Variants in RASA3 observed in about 807,000 individuals in gnomAD.
RASA3 encodes ras GTPase-activating protein 3.
A neutral mutation model predicts 110.0 loss-of-function variants in RASA3; 73 were observed. The observed-to-expected ratio is 0.66, with a 90% CI of 0.55 to 0.81. The LOEUF is 0.81. Among genes scored for constraint, RASA3 ranks in the 30% least tolerant of loss-of-function variants. The probability of loss-of-function intolerance (pLI) is 0.00; values close to 1 mark genes in which losing one functional copy is unlikely to be tolerated. For synonymous variants in RASA3, 500 were observed against 451.4 expected (o/e 1.11, Z -1.37); for missense variants, 976 against 1,113.2 (o/e 0.88, Z 1.75).
chr13:114,100,244 T>C (rs1406614699), intron 1 of RASA3, among the ~76,000 whole-genome samples: 4 of 151,940 alleles, frequency 2.6e-5, no homozygotes, highest in Admixed American at 2.6e-4. Context: ...CCGATGTGGA[T>C]GCCTCTGTGC....
Position 114,027,934 on chromosome 13 carries a change from A to G in RASA3, c.450-7T>C, listed in dbSNP as rs2054058475. 4 of 1,608,548 alleles carry G rather than the reference A, an allele frequency of 2.5e-6. No individual in the cohort carries two copies. In the South Asian group the frequency reaches 3.3e-5, roughly 13 times the overall value. On this transcript the variant is annotated splice_region_variant and splice_polypyrimidine_tract_variant and intron_variant, in intron 5 of 23. Transcript: ENST00000334062. ...GCCCTGGCACTCGACGATGCTGAGG[A>G]GAGAAGCAGAGGCGGCGTCAGGAGG...
chr13:114,022,929 G>A (rs1171985852), intron 8 of RASA3, among the ~76,000 whole-genome samples: 1 of 152,194 alleles, frequency 6.6e-6, no homozygotes, highest in Non-Finnish European at 1.5e-5. Context: ...TATGGTTCAG[G>A]ACCCTGACCC....
intron 23 of RASA3, 96 bp from the exon 24 acceptor site, chr13:113,979,518 C>G: frequency 1.0e-6 from 1 of 968,026 alleles, no homozygotes; most frequent in Non-Finnish European, 1.7e-6. Context: ...AAATGTGACA[C>G]ACTCACACTG....
At chr13:114,060,617 G>A (rs902278355) in intron 2 of RASA3, among the ~76,000 whole-genome samples, 4 of 152,212 alleles carry the variant, frequency 2.6e-5, no homozygotes, top group Admixed American at 6.5e-5. Context: ...GCGGGGACGC[G>A]AAGGGCCAGG....
Position 114,020,816 on chromosome 13 carries a change from T to C in RASA3, c.785+588A>G, listed in dbSNP as rs139291195. Among the ~76,000 whole-genome samples, 260 of 152,308 alleles carry C rather than the reference T, an allele frequency of 1.7e-3. 2 individuals carry two copies. The highest frequency in any genetic ancestry group is 5.8e-3 in the African/African-American group (242 of 41,578). On this transcript the variant is annotated intron_variant, in intron 9 of 23. Transcript: ENST00000334062. ...CAGAGGGGAGTAGAGAACCCTGTAA[T>C]GCGCCCTCAACAGGAGGTGCTGCCG...
At chr13:113,993,805 CT>C (rs1350601425) in intron 21 of RASA3, among the ~76,000 whole-genome samples, 575 of 41,294 alleles carry the variant, frequency 0.014, 6 homozygotes, top group African/African-American at 0.09. Context: ...GAGACTCTGC[CT>C]AAAAAAAAAA....
At chr13:114,109,224 G>A (rs2080182706) in intron 1 of RASA3, among the ~76,000 whole-genome samples, 1 of 152,212 alleles carries the variant, frequency 6.6e-6, no homozygotes, top group Non-Finnish European at 1.5e-5. Flanking sequence ...CCACGCCTCT[G>A]GTGCCAGGGT....
rs1566520266 is a variant in RASA3 at position 114,043,839 on chromosome 13, CCCCCGCCCCGCCTCA to C, written c.278-2760_278-2746del. 7.8e-4 allele frequency among the ~76,000 whole-genome samples: 57 copies of C among 73,212 alleles called. 1 individual carries two copies. The highest frequency in any genetic ancestry group is 3.5e-3 in the African/African-American group (54 of 15,370). 48.0% of individuals were successfully genotyped at this position (73,212 alleles called of 152,430 possible). A position where few individuals can be genotyped will look rare whatever the true frequency, so the allele number is the denominator to read the frequency against. On this transcript the variant is annotated intron_variant, in intron 3 of 23. Coordinates refer to ENST00000334062, the MANE Select transcript of RASA3 (RefSeq NM_007368.4). Reference sequence around the variant, plus strand: ...GCCTGGCCCACCTCACTCGCTGAGCCCCCCGCCCCGCCTCACTCGCTGAGCCCCCCCGCCCCGCCT... The same window carrying C: ...GCCTGGCCCACCTCACTCGCTGAGCCCTCGCTGAGCCCCCCCGCCCCGCCT...
rs925243392 is a variant in RASA3, at chr13:114,114,345, G to A, written c.55+18090C>T. On this transcript the variant is annotated intron_variant, in intron 1 of 23. Transcript: ENST00000334062. The surrounding 1 kb of genome is among the most constrained non-coding windows in gnomAD (Gnocchi z 4.8). ...TCCTGGGGTTTCCTTTATTAGACTT[G>A]AGTCCAGAACTCCTCTAGAAACATT... 1.2e-4 allele frequency among the ~76,000 whole-genome samples: 19 copies of A among 152,144 alleles called. No homozygotes were observed. The highest frequency in any genetic ancestry group is 1.3e-4 in the Admixed American group (2 of 15,270).
At chr13:113,996,482 C>T in intron 21 of RASA3, 49 bp downstream of exon 21, 1 of 1,558,992 alleles carries the variant, frequency 6.4e-7, no homozygotes, top group South Asian at 1.2e-5. Context: ...AGCCCCTTGG[C>T]CACATTTCCT....
At chr13:113,981,548 A>T (rs2052934150) in intron 23 of RASA3, 127 bp downstream of exon 23, 2 of 1,044,802 alleles carry the variant, frequency 1.9e-6, no homozygotes, top group African/African-American at 1.6e-5. Flanking sequence ...TGCAAGTGGG[A>T]CTCTCCTCCC....
intron 23 of RASA3, among the ~76,000 whole-genome samples, chr13:113,980,142 G>GCCACGTGTGTGCACACCTCCTC (rs1455580745): frequency 8.6e-6 from 1 of 115,856 alleles, no homozygotes; most frequent in African/African-American, 3.6e-5. Flanking sequence ...TGTACCTCCT[G>GCCACGTGTGTGCACACCTCCTC]CCACGTGTGT....
intron 2 of RASA3, 21 bp from the exon 3 acceptor site, chr13:114,052,176 G>T (rs371222467): frequency 1.9e-6 from 3 of 1,563,962 alleles, no homozygotes; most frequent in South Asian, 1.1e-5. Flanking sequence ...AAAGAAAAGC[G>T]CCAGTTAGAA....
chr13:114,004,912 A>G (rs1253872056), intron 18 of RASA3, among the ~76,000 whole-genome samples: 2 of 152,224 alleles, frequency 1.3e-5, no homozygotes, highest in African/African-American at 4.8e-5. Flanking sequence ...ACGTGGCATA[A>G]ATACACCACG....
intron 23 of RASA3, 52 bp from the exon 24 acceptor site, chr13:113,979,474 C>A (rs1566435222): frequency 1.4e-6 from 2 of 1,429,852 alleles, no homozygotes; most frequent in East Asian, 2.3e-5. Flanking sequence ...TTGCCTGGTG[C>A]TCACCCGTGG....
In RASA3 at chr13:114,091,593, G is replaced by T. The variant is rs985583380; in HGVS notation, c.56-17756C>A. On this transcript the variant is annotated intron_variant, in intron 1 of 23. Coordinates refer to ENST00000334062, the MANE Select transcript of RASA3 (RefSeq NM_007368.4). ...TCATGCTGAATGGTCTTTCTAATGT[G>T]CTGCTGGCATCTGCTTGCTGGTGTC... is the stretch of plus-strand genomic sequence containing the variant. Among the ~76,000 whole-genome samples the T allele has an allele frequency of 1.3e-4, 19 of 151,234 alleles. 1 individual carries two copies. The highest frequency in any genetic ancestry group is 6.8e-3 in the Middle Eastern group (2 of 294).
rs369817050 is a variant in RASA3, at chr13:114,132,582, C to A, written c.-93G>T. The A allele has an allele frequency of 1.4e-5, 15 of 1,098,098 alleles. No individual in the cohort carries two copies. In the East Asian group the frequency reaches 2.9e-4, roughly 22 times the overall value. The allele number at this position is 1,098,098 out of a possible 1,614,324, so 68.0% of individuals were successfully genotyped here. ...AGGAGGAGCGGCGGCGCCGGAGCCC[C>A]GAGCGCGGCCGAGGGTCCGCCCGCC... On this transcript the variant is annotated 5_prime_UTR_variant, in exon 1 of 24. Transcript: ENST00000334062.
Position 114,007,675 on chromosome 13 carries a change from C to T in RASA3, c.1669-69G>A, listed in dbSNP as rs541327909. On this transcript the variant is annotated intron_variant, in intron 17 of 23. Coordinates refer to ENST00000334062, the MANE Select transcript of RASA3 (RefSeq NM_007368.4). ...CTGACGTGCACGGCTCTCTGTATAA[C>T]AACAGCGTCGGCGGCTACTGCCTCC... 36 of 1,324,292 alleles carry T rather than the reference C, an allele frequency of 2.7e-5. No homozygotes were observed. The East Asian group carries it at 7.8e-4, about 29-fold the overall frequency. 82.0% of individuals were successfully genotyped at this position (1,324,292 alleles called of 1,614,324 possible).
chr13:114,021,584 GTT>G (rs2053928459), intron 8 of RASA3, 76 bp from the exon 9 acceptor site: 1 of 1,197,568 alleles, frequency 8.4e-7, no homozygotes, highest in Non-Finnish European at 1.2e-6. Context: ...GCCACGCTTT[GTT>G]CCCCCAGGAG....
Sources: allele counts gnomAD v4.1 joint callset (sites outside exome capture counted in the v4.1 genomes callset), GRCh38; gene constraint gnomAD v4.1.1; non-coding constraint Gnocchi (gnomAD v3.1); transcripts MANE v1.5; gene names NCBI Gene and HGNC (gene_info 2026-07-23, HGNC 2026-07-21).